The following SLCO3A1 variants were observed in gnomAD, a reference collection of about 807,000 sequenced individuals.
SLCO3A1 encodes the protein solute carrier organic anion transporter family member 3A1.
Under a neutral mutation model 63.1 loss-of-function variants are expected in SLCO3A1, and 27 were observed. That is an observed-to-expected ratio of 0.43 (90% CI 0.32 to 0.59). The LOEUF (loss-of-function observed/expected upper bound fraction) is 0.59, where lower values mean the gene tolerates loss of function less well. SLCO3A1 is among the 20% of genes least tolerant of loss of function. SLCO3A1 has a pLI of 0.09. For synonymous variants in SLCO3A1, 473 were observed against 409.9 expected, an observed-to-expected ratio of 1.15 and a Z score of -1.86; for missense variants, 773 against 945.8, an observed-to-expected ratio of 0.82 and a Z score of 2.40.
In SLCO3A1 at chr15:91,862,815, A is replaced by C. The variant is rs1442663998; in HGVS notation, c.180+8727A>C. 6.6e-6 allele frequency among the ~76,000 whole-genome samples: 1 copy of C among 152,234 alleles called. No homozygotes were observed. The highest frequency in any genetic ancestry group is 1.5e-5 in the Non-Finnish European group (1 of 68,042). ...CTGCACTTGCAAGGTTGATGTAGGG[A>C]GAAGTGTCACAATGATGTTTTTCAT... is the stretch of plus-strand genomic sequence containing the variant. On this transcript the variant is annotated intron_variant, in intron 1 of 9. Transcript: ENST00000318445. This position sits in a 1 kb window ranked among gnomAD's most constrained non-coding sequence, Gnocchi z 4.0.
At chr15:92,155,642 G>GAAGTGAGAAGCTGACCACCAGCA (rs571245562) in intron 9 of SLCO3A1, among the ~76,000 whole-genome samples, 8,546 of 152,100 alleles carry the variant, frequency 0.056, 326 homozygotes, top group South Asian at 0.086. Context: ...CAAAAGCATT[G>GAAGTGAGAAGCTGACCACCAGCA]AAGTGAGAAG....
At chr15:92,027,246 C>T (rs934815134) in intron 2 of SLCO3A1, among the ~76,000 whole-genome samples, 3 of 152,192 alleles carry the variant, frequency 2.0e-5, no homozygotes, top group South Asian at 2.1e-4. Context: ...ATGCTAAATA[C>T]GTGATTTCCT....
intron 2 of SLCO3A1, among the ~76,000 whole-genome samples, chr15:91,919,955 ATG>A (rs1898789345): frequency 6.6e-6 from 1 of 152,196 alleles, no homozygotes; most frequent in African/African-American, 2.4e-5. Flanking sequence ...TTCTATGAAA[ATG>A]TGTTCAAGAT....
At chr15:92,096,220 C>T (rs1002409363) in intron 3 of SLCO3A1, among the ~76,000 whole-genome samples, 1 of 152,124 alleles carries the variant, frequency 6.6e-6, no homozygotes, top group African/African-American at 2.4e-5. Context: ...GAGGGGACTA[C>T]CTCACCGTGA....
chr15:91,931,763 G>T (rs911361753), intron 2 of SLCO3A1, among the ~76,000 whole-genome samples: 1 of 148,302 alleles, frequency 6.7e-6, no homozygotes, highest in Non-Finnish European at 1.5e-5. Flanking sequence ...GAGCCACCGC[G>T]CCCGGCTGGT....
intron 2 of SLCO3A1, among the ~76,000 whole-genome samples, chr15:92,052,323 C>G (rs2046967774): frequency 6.6e-6 from 1 of 152,110 alleles, no homozygotes; most frequent in South Asian, 2.1e-4. Context: ...GTGAGCAATA[C>G]CTACCTGGAG....
rs537934872 is a variant in SLCO3A1 at position 92,131,300 on chromosome 15, A to AT, written c.1512+2814dup. On this transcript the variant is annotated intron_variant, in intron 7 of 9. Transcript: ENST00000318445. ...CATGCACTTCTCATTCGAGACATTTATTTGGCCTTTACCATCTGGCCCTGG... is the reference window on the plus strand; with the variant it reads ...CATGCACTTCTCATTCGAGACATTTATTTTGGCCTTTACCATCTGGCCCTGG... 1.1e-3 allele frequency among the ~76,000 whole-genome samples: 164 copies of AT among 150,718 alleles called. 1 individual carries two copies. The highest frequency in any genetic ancestry group is 3.5e-3 in the African/African-American group (142 of 40,818).
rs1444945075 is a variant in SLCO3A1 at position 91,950,702 on chromosome 15, C to A, written c.646+34244C>A. Among the ~76,000 whole-genome samples the A allele has an allele frequency of 1.3e-5, 2 of 152,158 alleles. No individual in the cohort carries two copies. Among genetic ancestry groups the A allele is most frequent in the Non-Finnish European group, 2.9e-5 (2 of 68,026 alleles). ...TTCATTTGGTTCTGTATTTCACAAC[C>A]AGTCTGATTGCTCTTGTCCCAAGTC... On this transcript the variant is annotated intron_variant, in intron 2 of 9. Transcript: ENST00000318445. This position sits in a 1 kb window ranked among gnomAD's most constrained non-coding sequence, Gnocchi z 4.4.
chr15:92,053,359 C>G (rs111379087), intron 2 of SLCO3A1, among the ~76,000 whole-genome samples: 1,724 of 152,274 alleles, frequency 0.011, 29 homozygotes, highest in African/African-American at 0.039. Context: ...CCCACAGACC[C>G]CACATCCAGT....
chr15:91,888,432 A>G lies in SLCO3A1; in HGVS notation c.181-27561A>G, dbSNP rs1270149363. 2.0e-5 allele frequency among the ~76,000 whole-genome samples: 3 copies of G among 152,234 alleles called. 1 individual carries two copies. Among genetic ancestry groups the G allele is most frequent in the African/African-American group, 7.2e-5 (3 of 41,462 alleles). ...CATGCAATCCAGTTATACAAATGAC[A>G]TATGCATAACTATTTGATTTTAACA... On this transcript the variant is annotated intron_variant, in intron 1 of 9. Coordinates refer to ENST00000318445, the MANE Select transcript of SLCO3A1 (RefSeq NM_013272.4).
Position 91,897,451 on chromosome 15 carries a change from A to AAAAC in SLCO3A1, c.181-18525_181-18522dup, listed in dbSNP as rs113220759. Reference sequence around the variant, plus strand: ...GGGCAATGGAGCGAGACTCTGTCTAAAAACAAACAAACAAACAAACCCCCA... The same window carrying AAAAC: ...GGGCAATGGAGCGAGACTCTGTCTAAAAACAAACAAACAAACAAACAAACCCCCA... On this transcript the variant is annotated intron_variant, in intron 1 of 9. Coordinates refer to ENST00000318445, the MANE Select transcript of SLCO3A1 (RefSeq NM_013272.4). The surrounding 1 kb of genome is among the most constrained non-coding windows in gnomAD (Gnocchi z 4.7). Among the ~76,000 whole-genome samples, 4,106 of 152,210 alleles carry AAAAC rather than the reference A, an allele frequency of 0.027. 181 individuals carry two copies. The highest frequency in any genetic ancestry group is 0.094 in the African/African-American group (3,911 of 41,464).
chr15:91,985,013 A>G (rs2046034242), intron 2 of SLCO3A1, among the ~76,000 whole-genome samples: 1 of 152,182 alleles, frequency 6.6e-6, no homozygotes, highest in African/African-American at 2.4e-5. Context: ...TCAGATCATA[A>G]GTGAACAACA....
chr15:92,131,150 G>A (rs1352884386), intron 7 of SLCO3A1, among the ~76,000 whole-genome samples: 1 of 152,096 alleles, frequency 6.6e-6, no homozygotes, highest in Non-Finnish European at 1.5e-5. Context: ...AATAGGAAGT[G>A]GGGGATCTGG....
chr15:91,874,485 C>T (rs1391754803), intron 1 of SLCO3A1, among the ~76,000 whole-genome samples: 6 of 152,216 alleles, frequency 3.9e-5, no homozygotes, highest in Non-Finnish European at 2.9e-5. Flanking sequence ...CCTAGGGCCT[C>T]ATATACAGTG....
rs371351060 is a variant in SLCO3A1, at chr15:91,956,895, A to C, written c.646+40437A>C. Among the ~76,000 whole-genome samples the C allele has an allele frequency of 3.3e-3, 399 of 119,946 alleles. 1 individual carries two copies. Among genetic ancestry groups the C allele is most frequent in the African/African-American group, 0.012 (379 of 30,728 alleles). The allele number at this position is 119,946 out of a possible 152,430, so 78.7% of individuals were successfully genotyped here. On this transcript the variant is annotated intron_variant, in intron 2 of 9. Coordinates refer to ENST00000318445, the MANE Select transcript of SLCO3A1 (RefSeq NM_013272.4). ...GCCTCCACCTCCTGGGTTCAAGCGA[A>C]TCTTCTGCCTCAGCCTCCCAAGGTT...
At chr15:92,097,609 C>T (rs1048684297) in intron 3 of SLCO3A1, among the ~76,000 whole-genome samples, 3 of 152,304 alleles carry the variant, frequency 2.0e-5, no homozygotes, top group African/African-American at 7.2e-5. Flanking sequence ...CTTTCAGTCC[C>T]GTGTGGGCAT....
At chr15:91,943,814 G>A (rs1899705095) in intron 2 of SLCO3A1, among the ~76,000 whole-genome samples, 1 of 152,120 alleles carries the variant, frequency 6.6e-6, no homozygotes, top group African/African-American at 2.4e-5. Context: ...TTTGGGCATC[G>A]CTGGCTTCCT....
chr15:92,016,741 G>T (rs1390875342), intron 2 of SLCO3A1, among the ~76,000 whole-genome samples: 1 of 152,170 alleles, frequency 6.6e-6, no homozygotes, highest in Non-Finnish European at 1.5e-5. Flanking sequence ...AGACCACAAA[G>T]ACAGGGGGAG....
chr15:91,901,958 A>G (rs1282558835), intron 1 of SLCO3A1, among the ~76,000 whole-genome samples: 1 of 148,870 alleles, frequency 6.7e-6, no homozygotes, highest in East Asian at 1.9e-4. Context: ...TTGCATGTAT[A>G]TTGGTATGCT....
Sources: gnomAD v4.1 joint callset for allele counts (sites outside exome capture counted in the v4.1 genomes callset) on GRCh38, gnomAD v4.1.1 for gene constraint, Gnocchi (gnomAD v3.1) non-coding constraint, MANE v1.5 for transcripts, NCBI Gene and HGNC (gene_info 2026-07-23, HGNC 2026-07-21) for gene names.